SRRM4: variants seen among roughly 807,000 people sequenced by gnomAD.
The protein encoded by SRRM4 is serine/arginine repetitive matrix 4, also known as serine/arginine repetitive matrix protein 4.
Under a neutral mutation model 68.9 loss-of-function variants are expected in SRRM4, and 33 were observed. That is an observed-to-expected ratio of 0.48 (90% CI 0.36 to 0.64). SRRM4 has a LOEUF of 0.64. Among genes scored for constraint, SRRM4 ranks in the 30% least tolerant of loss-of-function variants. The pLI is 0.00. For synonymous variants in SRRM4, 318 were observed against 318.8 expected (o/e 1.00, Z 0.03); for missense variants, 817 against 827.1 (o/e 0.99, Z 0.15).
chr12:119,065,177 A>G (rs181871302), intron 1 of SRRM4, among the ~76,000 whole-genome samples: 6 of 152,288 alleles, frequency 3.9e-5, no homozygotes, highest in Admixed American at 3.9e-4. Flanking sequence ...CCAGCAATCA[A>G]GAACCTACCT....
chr12:119,145,776 C>A, intron 9 of SRRM4, 91 bp downstream of exon 9: 2 of 1,123,982 alleles, frequency 1.8e-6, no homozygotes, highest in Non-Finnish European at 2.4e-6. Context: ...CACTCCACCC[C>A]CAAGATTATT....
chr12:119,151,211 C>T lies in SRRM4; in HGVS notation c.1271C>T (p.Ser424Phe), dbSNP rs1449727605. The T allele has an allele frequency of 3.7e-6, 6 of 1,613,660 alleles. No homozygotes were observed. The highest frequency in any genetic ancestry group is 5.1e-6 in the Non-Finnish European group (6 of 1,179,704). The change falls in exon 10 of 13, where the codon TCT becomes TTT. Residue 424 changes from serine to phenylalanine, a missense_variant. By Grantham distance (155) the Ser-to-Phe change is radical. Coordinates refer to ENST00000267260, the MANE Select transcript of SRRM4 (RefSeq NM_194286.4). ...TACACCCAAAGCCGATCCACCTCTT[C>T]TGAAAAAAGGTGAGTGTGGTTTTGA... is the stretch of plus-strand genomic sequence containing the variant. The part of the protein sequence containing the change: ...PRYTQSRSTS[S>F]EKRSYSRSPS...
chr12:119,122,715 T>C (rs1204303493), intron 6 of SRRM4, among the ~76,000 whole-genome samples: 2 of 147,012 alleles, frequency 1.4e-5, no homozygotes, highest in Non-Finnish European at 3.1e-5. Context: ...TTCTATGCAC[T>C]GTGTGTGTGC....
chr12:119,022,538 A>T lies in SRRM4; in HGVS notation c.131+40525A>T, dbSNP rs180754428. Among the ~76,000 whole-genome samples, 5 of 152,328 alleles carry T rather than the reference A, an allele frequency of 3.3e-5. No individual in the cohort carries two copies. The East Asian group carries it at 9.6e-4, about 29-fold the overall frequency. ...AACTTCCTGACTGCAATGTTAGTTG[A>T]CTGTCTACCTGATGTGAAGGAAGGA... On this transcript the variant is annotated intron_variant, in intron 1 of 12. Transcript: ENST00000267260.
intron 1 of SRRM4, among the ~76,000 whole-genome samples, chr12:119,089,542 G>A (rs1954001212): frequency 6.6e-6 from 1 of 152,160 alleles, no homozygotes; most frequent in African/African-American, 2.4e-5. Flanking sequence ...CTCCCATGGA[G>A]AATCCTTTGT....
At position 119,114,291 on chromosome 12, in the gene SRRM4, A is replaced by G; in HGVS notation, c.292A>G (p.Lys98Glu). 7 of 1,612,572 alleles carry G rather than the reference A, an allele frequency of 4.3e-6. No homozygotes were observed. The highest frequency in any genetic ancestry group is 5.9e-6 in the Non-Finnish European group (7 of 1,179,318). Residue 98 changes from lysine to glutamate, a missense_variant, in exon 3 of 13, where the codon AAA becomes GAA. Coordinates refer to ENST00000267260, the MANE Select transcript of SRRM4 (RefSeq NM_194286.4). ...ATRGHSASHD[K>E]DLTPPPSSRG... ...TGCTCCTCACAGTGCCTCTCATGAC[A>G]AAGACTTGACACCACCACCTTCCTC...
intron 1 of SRRM4, among the ~76,000 whole-genome samples, chr12:119,071,167 C>T (rs984769007): frequency 2.0e-5 from 3 of 152,148 alleles, no homozygotes; most frequent in African/African-American, 7.2e-5. Flanking sequence ...TCATATGATT[C>T]CAAACGTAGC....
At chr12:119,097,110 T>C (rs1210558284) in intron 1 of SRRM4, among the ~76,000 whole-genome samples, 1 of 152,168 alleles carries the variant, frequency 6.6e-6, no homozygotes, top group African/African-American at 2.4e-5. Flanking sequence ...TCCCCAAAGA[T>C]TTCGGCTTCT....
In SRRM4 at chr12:119,143,185, G is replaced by A. The variant is rs373833016; in HGVS notation, c.772-2196G>A. 1.4e-4 allele frequency among the ~76,000 whole-genome samples: 21 copies of A among 152,318 alleles called. No homozygotes were observed. In the East Asian group the frequency reaches 3.7e-3, roughly 27 times the overall value. On this transcript the variant is annotated intron_variant, in intron 8 of 12. Transcript: ENST00000267260. Reference sequence around the variant, plus strand: ...CCCAGGAGCTGACATCCTGACCACAGGAGTTATGCTATTCTCACAGTTCCA... The same window carrying A: ...CCCAGGAGCTGACATCCTGACCACAAGAGTTATGCTATTCTCACAGTTCCA...
At chr12:119,054,690 T>C (rs1301470780) in intron 1 of SRRM4, among the ~76,000 whole-genome samples, 1 of 152,210 alleles carries the variant, frequency 6.6e-6, no homozygotes, top group Non-Finnish European at 1.5e-5. Flanking sequence ...AAAAGTTGAA[T>C]GGCTTCAGTT....
At chr12:119,056,562 C>A (rs1953777918) in intron 1 of SRRM4, among the ~76,000 whole-genome samples, 1 of 152,102 alleles carries the variant, frequency 6.6e-6, no homozygotes, top group African/African-American at 2.4e-5. Context: ...TTATCTTCTG[C>A]CTCTCTTCTC....
At chr12:119,124,366 G>A (rs919223568) in intron 6 of SRRM4, 3 of 152,218 alleles carry the variant, frequency 2.0e-5, no homozygotes, top group African/African-American at 7.2e-5. Context: ...CTGAGGTTCA[G>A]GATCAGAGTT....
At position 119,156,681 on chromosome 12, in the gene SRRM4, C is replaced by T; in HGVS notation, c.1719C>T (p.Arg573=). 1 of 1,557,292 alleles carries T rather than the reference C, an allele frequency of 6.4e-7. No individual in the cohort carries two copies. The change falls in exon 13 of 13, where the codon CGC becomes CGT. Residue 573 remains arginine (R), a synonymous_variant. Transcript: ENST00000267260. ...RTRTSSSSSS[R]SPSPGSRSRS... ...GCACGAGCAGCAGCTCTAGCTCCCG[C>T]AGCCCTAGTCCGGGCTCCCGCAGCC...
intron 1 of SRRM4, among the ~76,000 whole-genome samples, chr12:119,061,884 A>AT (rs1953814468): frequency 6.6e-6 from 1 of 152,108 alleles, no homozygotes; most frequent in Non-Finnish European, 1.5e-5. Context: ...GTCTCCAGAT[A>AT]TTTTTAAATG....
At position 119,156,680 on chromosome 12, in the gene SRRM4, G is replaced by A; in HGVS notation, c.1718G>A (p.Arg573His). The change falls in exon 13 of 13, where the codon CGC becomes CAC. Residue 573 changes from arginine (R) to histidine (H), a missense_variant. Arg to His is a conservative substitution (Grantham distance 29, BLOSUM62 0). Coordinates refer to ENST00000267260, the MANE Select transcript of SRRM4 (RefSeq NM_194286.4). ...RTRTSSSSSS[R>H]SPSPGSRSRS... ...CGCACGAGCAGCAGCTCTAGCTCCCGCAGCCCTAGTCCGGGCTCCCGCAGC... is the reference window on the plus strand; with the variant it reads ...CGCACGAGCAGCAGCTCTAGCTCCCACAGCCCTAGTCCGGGCTCCCGCAGC... 2 of 1,558,670 alleles carry A rather than the reference G, an allele frequency of 1.3e-6. No individual in the cohort carries two copies. The highest frequency in any genetic ancestry group is 1.4e-5 in the African/African-American group (1 of 73,276).
In SRRM4 at chr12:119,156,947, G is replaced by A. The variant is rs1238473913; in HGVS notation, c.*149G>A. Reference sequence around the variant, plus strand: ...CTAGGGGAAGAGGAGAAGAGGGTAAGGGGGCTTCACTCTCTAGATCAGCCT... The same window carrying A: ...CTAGGGGAAGAGGAGAAGAGGGTAAAGGGGCTTCACTCTCTAGATCAGCCT... On this transcript the variant is annotated 3_prime_UTR_variant, in exon 13 of 13. Transcript: ENST00000267260. 1.1e-5 allele frequency: 11 copies of A among 1,014,008 alleles called. No homozygotes were observed. In the East Asian group the frequency reaches 2.6e-4, roughly 24 times the overall value. The allele number at this position is 1,014,008 out of a possible 1,614,324, so 62.8% of individuals were successfully genotyped here. A position where few individuals can be genotyped will look rare whatever the true frequency, so the allele number is the denominator to read the frequency against.
At chr12:119,047,029 C>CCA (rs1953711970) in intron 1 of SRRM4, among the ~76,000 whole-genome samples, 1 of 42,906 alleles carries the variant, frequency 2.3e-5, no homozygotes, top group East Asian at 3.8e-4. Context: ...GAGATCCCGT[C>CCA]TAAAAAAAAA....
At position 118,982,034 on chromosome 12, in the gene SRRM4, A is replaced by AG. The variant is rs773213891; in HGVS notation, c.131+27dup. 61 of 1,597,748 alleles carry AG rather than the reference A, an allele frequency of 3.8e-5. No individual in the cohort carries two copies. The African/African-American group carries it at 4.2e-4, about 11-fold the overall frequency. On this transcript the variant is annotated intron_variant, in intron 1 of 12. Coordinates refer to ENST00000267260, the MANE Select transcript of SRRM4 (RefSeq NM_194286.4). ...CCAAGGTAATGATCTCCTTCTTAGA[A>AG]GGGGGGATCCTGAAGGTCCTCCTTT... is the stretch of plus-strand genomic sequence containing the variant.
chr12:119,014,608 T>G (rs1012531308), intron 1 of SRRM4, among the ~76,000 whole-genome samples: 3 of 152,150 alleles, frequency 2.0e-5, no homozygotes, highest in Admixed American at 2.0e-4. Context: ...CCACTCCATG[T>G]TTTTAAAGAG....
Sources: allele counts gnomAD v4.1 joint callset (sites outside exome capture counted in the v4.1 genomes callset), GRCh38; gene constraint gnomAD v4.1.1; transcripts MANE v1.5; gene names NCBI Gene and HGNC (gene_info 2026-07-23, HGNC 2026-07-21).